The following KIF1B variants were observed in gnomAD, a reference collection of about 807,000 sequenced individuals.
The protein encoded by KIF1B is kinesin family member 1B.
A neutral mutation model predicts 241.9 loss-of-function variants in KIF1B; 76 were observed. The observed-to-expected ratio is 0.31, with a 90% confidence interval of 0.26 to 0.38. KIF1B has a LOEUF of 0.38. Ranked by LOEUF, KIF1B falls within the 10% of genes least tolerant of loss-of-function variation. KIF1B has a pLI of 1.00. For missense variants in KIF1B, 1,622 were observed against 2,271.4 expected, an observed-to-expected ratio of 0.71 and a Z score of 5.81; for synonymous variants, 750 against 796.7, an observed-to-expected ratio of 0.94 and a Z score of 0.99.
chr1:10,360,547 T>A (rs1638393264), intron 38 of KIF1B, among the ~76,000 whole-genome samples: 1 of 151,730 alleles, frequency 6.6e-6, no homozygotes, highest in Non-Finnish European at 1.5e-5. Flanking sequence ...TAGCCAGGCG[T>A]GGTGGCGGGC....
At chr1:10,216,388 G>A (rs148878913) in intron 1 of KIF1B, among the ~76,000 whole-genome samples, 1 of 152,102 alleles carries the variant, frequency 6.6e-6, no homozygotes, top group East Asian at 1.9e-4. Context: ...CTAAACCGTC[G>A]GCCTCTTCCA....
At chr1:10,300,239 A>ATAAT (rs1226624475) in intron 22 of KIF1B, among the ~76,000 whole-genome samples, 35 of 146,566 alleles carry the variant, frequency 2.4e-4, no homozygotes, top group African/African-American at 7.5e-4. Context: ...TCAGTGTCAA[A>ATAAT]TAATAATAAT....
At chr1:10,323,813 G>T in intron 24 of KIF1B, 71 bp from the exon 25 acceptor site, 1 of 1,263,442 alleles carries the variant, frequency 7.9e-7, no homozygotes, top group South Asian at 1.2e-5. Context: ...CATTGGGTAT[G>T]ATTGTATCGT....
chr1:10,306,807 A>G, intron 22 of KIF1B: 1 of 840,912 alleles, frequency 1.2e-6, no homozygotes, highest in South Asian at 5.6e-5. Context: ...TATATTATTC[A>G]GGTTTCAACT....
intron 45 of KIF1B, among the ~76,000 whole-genome samples, chr1:10,371,793 C>T (rs1638739762): frequency 1.3e-5 from 2 of 151,968 alleles, no homozygotes; most frequent in Admixed American, 1.3e-4. Flanking sequence ...GATACCCAGG[C>T]GTGGTGGTCT....
chr1:10,224,554 G>A (rs1438963498), intron 1 of KIF1B, among the ~76,000 whole-genome samples: 1 of 151,826 alleles, frequency 6.6e-6, no homozygotes, highest in African/African-American at 2.4e-5. Context: ...AAGTAGCTGG[G>A]ATTACCGATG....
chr1:10,318,907 A>G (rs1272706901), intron 22 of KIF1B, among the ~76,000 whole-genome samples: 2 of 152,166 alleles, frequency 1.3e-5, no homozygotes, highest in Non-Finnish European at 2.9e-5. Flanking sequence ...TCTGCCCACC[A>G]TGAGAGTTTA....
rs776661939 is a variant in KIF1B, at chr1:10,368,558, T to A, written c.4824+20T>A. On this transcript the variant is annotated intron_variant, in intron 44 of 48. Transcript: ENST00000676179. ...TGTAAGGTGAGCACATTGACTGTAA[T>A]TTTTAGCCAGTATGTTGATAACTGA... The A allele has an allele frequency of 4.2e-5, 67 of 1,602,020 alleles. No homozygotes were observed. The highest frequency in any genetic ancestry group is 5.0e-5 in the Non-Finnish European group (59 of 1,169,034).
chr1:10,339,443 CATT>C (rs779843696), intron 31 of KIF1B, among the ~76,000 whole-genome samples: 45 of 152,150 alleles, frequency 3.0e-4, no homozygotes, highest in Non-Finnish European at 5.3e-4. Context: ...TACAAAATGA[CATT>C]GTTTTTATTT....
chr1:10,348,575 C>T (rs773041404), intron 36 of KIF1B, 74 bp from the exon 37 acceptor site: 106 of 1,125,498 alleles, frequency 9.4e-5, no homozygotes, highest in Admixed American at 1.4e-4. Flanking sequence ...CCATGCCATA[C>T]AGGCCAGAAA....
chr1:10,219,872 A>C (rs1297547526), intron 1 of KIF1B, among the ~76,000 whole-genome samples: 4 of 152,100 alleles, frequency 2.6e-5, no homozygotes, highest in Non-Finnish European at 4.4e-5. Flanking sequence ...GTTCGGTATC[A>C]GCCTGGGCAG....
chr1:10,229,803 G>A (rs548170204), intron 1 of KIF1B, among the ~76,000 whole-genome samples: 1 of 144,610 alleles, frequency 6.9e-6, no homozygotes, highest in Admixed American at 7.0e-5. Flanking sequence ...GGAGTTTGCA[G>A]TGAGCCGAGA....
At chr1:10,223,468 T>C (rs1253774738) in intron 1 of KIF1B, among the ~76,000 whole-genome samples, 1 of 152,056 alleles carries the variant, frequency 6.6e-6, no homozygotes, top group Non-Finnish European at 1.5e-5. Context: ...CACTTAACTG[T>C]AGCTTTGAAT....
At chr1:10,216,962 T>C (rs981342474) in intron 1 of KIF1B, among the ~76,000 whole-genome samples, 5 of 36,516 alleles carry the variant, frequency 1.4e-4, no homozygotes, top group Admixed American at 1.2e-3. Context: ...ATTTTCTTTT[T>C]TTTTTTTTTT....
At chr1:10,291,532 A>T (rs1467871454) in intron 16 of KIF1B, among the ~76,000 whole-genome samples, 1 of 152,100 alleles carries the variant, frequency 6.6e-6, no homozygotes, top group Admixed American at 6.5e-5. Context: ...AGCATGGTGA[A>T]ACCCCATCTC....
In KIF1B at chr1:10,256,308, C is replaced by T. The variant is rs530566864; in HGVS notation, c.168C>T (p.Tyr56=). Residue 56 remains tyrosine (Y), a synonymous_variant, in exon 3 of 49, where the codon TAC becomes TAT. Transcript: ENST00000676179. ...APKSFSFDYS[Y]WSHTSPEDPC... The stretch of plus-strand genomic sequence containing the variant: ...AGTCCTTCAGCTTCGACTATTCCTA[C>T]TGGTCTCATACCTCAGTGAGTACCC... 125 of 1,610,020 alleles carry T rather than the reference C, an allele frequency of 7.8e-5. 1 individual carries two copies. The South Asian group carries it at 1.3e-3, about 16-fold the overall frequency.
intron 1 of KIF1B, among the ~76,000 whole-genome samples, chr1:10,211,293 G>C (rs892523450): frequency 3.9e-5 from 6 of 152,216 alleles, no homozygotes; most frequent in Non-Finnish European, 8.8e-5. Context: ...GGTGGGCATC[G>C]GGCTTCGGCT....
At chr1:10,289,202 C>T (rs1281426986) in intron 15 of KIF1B, among the ~76,000 whole-genome samples, 1 of 152,126 alleles carries the variant, frequency 6.6e-6, no homozygotes, top group Non-Finnish European at 1.5e-5. Context: ...CTAATTGCTA[C>T]TTGTCCTTCA....
chr1:10,283,715 AG>A (rs1212798440), intron 15 of KIF1B, among the ~76,000 whole-genome samples: 1 of 152,198 alleles, frequency 6.6e-6, no homozygotes, highest in African/African-American at 2.4e-5. Flanking sequence ...CATACCTTTT[AG>A]CCATTGTGTT....
Sources: gnomAD v4.1 joint callset for allele counts (sites outside exome capture counted in the v4.1 genomes callset) on GRCh38, gnomAD v4.1.1 for gene constraint, MANE v1.5 for transcripts, NCBI Gene and HGNC (gene_info 2026-07-23, HGNC 2026-07-21) for gene names.